The following CNTN5 variants were observed in gnomAD, a reference collection of about 807,000 sequenced individuals.
CNTN5 encodes the protein contactin-5.
CNTN5 carries 77 observed loss-of-function variants against 129.1 expected under a neutral mutation model. That is an observed-to-expected ratio of 0.60 (90% CI 0.50 to 0.72). The LOEUF (loss-of-function observed/expected upper bound fraction) is 0.72, where lower values mean the gene tolerates loss of function less well. CNTN5 is among the 30% of genes least tolerant of loss of function. The pLI, the probability that CNTN5 is intolerant of heterozygous loss-of-function variation, is 0.00. For missense variants in CNTN5, 1,478 were observed against 1,328.8 expected (o/e 1.11, Z -1.75); for synonymous variants, 509 against 465.6 (o/e 1.09, Z -1.20).
At chr11:99,638,047 A>C (rs1025632136) in intron 3 of CNTN5, among the ~76,000 whole-genome samples, 1 of 150,034 alleles carries the variant, frequency 6.7e-6, no homozygotes, top group Non-Finnish European at 1.5e-5. Flanking sequence ...ATTTGTTTTT[A>C]CACTGCTGAT....
intron 3 of CNTN5, among the ~76,000 whole-genome samples, chr11:99,755,543 ATTTT>A (rs539377852): frequency 3.3e-4 from 50 of 150,856 alleles, no homozygotes; most frequent in Non-Finnish European, 5.2e-4. Context: ...TTCTTTTGAG[ATTTT>A]TTTCTGTTTT....
At chr11:100,159,614 T>C (rs2138352335) in intron 13 of CNTN5, among the ~76,000 whole-genome samples, 1 of 152,066 alleles carries the variant, frequency 6.6e-6, no homozygotes, top group Non-Finnish European at 1.5e-5. Flanking sequence ...ATAGACATTA[T>C]AGAACAGTAG....
At position 99,681,737 on chromosome 11, in the gene CNTN5, ATAATT is replaced by A. The variant is rs1228805841; in HGVS notation, c.55+125473_55+125477del. ...GGTACACCTATAATTATGTTCATTT[ATAATT>A]TAATAAAGCTTTCTAGAAATGATCC... On this transcript the variant is annotated intron_variant, in intron 3 of 24. Coordinates refer to ENST00000524871, the MANE Select transcript of CNTN5 (RefSeq NM_014361.4). Among the ~76,000 whole-genome samples the A allele has an allele frequency of 2.0e-5, 3 of 152,078 alleles. No individual in the cohort carries two copies. The East Asian group carries it at 5.8e-4, about 29-fold the overall frequency.
chr11:99,648,428 G>C (rs912794770), intron 3 of CNTN5, among the ~76,000 whole-genome samples: 1 of 151,848 alleles, frequency 6.6e-6, no homozygotes, highest in African/African-American at 2.4e-5. Flanking sequence ...CAAATGCTGG[G>C]AAAGATGTGG....
chr11:99,104,062 T>G (rs1385131378), intron 1 of CNTN5, among the ~76,000 whole-genome samples: 1 of 152,192 alleles, frequency 6.6e-6, no homozygotes, highest in South Asian at 2.1e-4. Flanking sequence ...ATATGTAGTT[T>G]GATCAGTAAA....
intron 13 of CNTN5, among the ~76,000 whole-genome samples, chr11:100,184,423 C>T (rs1948232981): frequency 6.6e-6 from 1 of 152,092 alleles, no homozygotes. Flanking sequence ...AATGTCCACC[C>T]TGATATGATA....
At chr11:99,854,788 A>G (rs907373630) in intron 6 of CNTN5, among the ~76,000 whole-genome samples, 24 of 152,320 alleles carry the variant, frequency 1.6e-4, no homozygotes, top group East Asian at 3.9e-4. Context: ...GAGAGACTCA[A>G]TAAAACCATG....
At chr11:99,438,677 C>G (rs1465358619) in intron 2 of CNTN5, among the ~76,000 whole-genome samples, 1 of 151,996 alleles carries the variant, frequency 6.6e-6, no homozygotes, top group Non-Finnish European at 1.5e-5. Context: ...ATGTGTTTTC[C>G]TCCAAAGCTC....
chr11:99,938,881 A>C (rs1950373016), intron 7 of CNTN5, among the ~76,000 whole-genome samples: 1 of 152,118 alleles, frequency 6.6e-6, no homozygotes, highest in African/African-American at 2.4e-5. Flanking sequence ...AGGATTTGAA[A>C]AATTTTAAAC....
chr11:99,251,917 T>C (rs573303339), intron 1 of CNTN5, among the ~76,000 whole-genome samples: 4 of 152,144 alleles, frequency 2.6e-5, no homozygotes, highest in Admixed American at 2.6e-4. Context: ...TATGGAATTA[T>C]TTTAGAAAAG....
At chr11:100,159,939 T>A (rs547509312) in intron 13 of CNTN5, among the ~76,000 whole-genome samples, 3 of 151,850 alleles carry the variant, frequency 2.0e-5, no homozygotes, top group African/African-American at 7.3e-5. Context: ...TTTCTTTTCA[T>A]ATATATACTT....
chr11:99,954,426 T>C (rs1857939920), intron 7 of CNTN5, among the ~76,000 whole-genome samples: 1 of 152,214 alleles, frequency 6.6e-6, no homozygotes, highest in South Asian at 2.1e-4. Context: ...CTGAAATGAA[T>C]GCTACTACTA....
intron 1 of CNTN5, among the ~76,000 whole-genome samples, chr11:99,113,805 C>T (rs920163370): frequency 2.6e-5 from 4 of 152,014 alleles, no homozygotes; most frequent in East Asian, 1.9e-4. Flanking sequence ...AAGAAAAAAC[C>T]CTTAAAATAA....
chr11:99,881,750 C>G (rs1468531467), intron 6 of CNTN5, among the ~76,000 whole-genome samples: 2 of 152,152 alleles, frequency 1.3e-5, no homozygotes, highest in Non-Finnish European at 2.9e-5. Context: ...GCTGGGTTTT[C>G]GGTCATTACT....
chr11:99,543,922 AAAAC>A (rs199545309), intron 2 of CNTN5, among the ~76,000 whole-genome samples: 5,069 of 35,840 alleles, frequency 0.14, 488 homozygotes, highest in African/African-American at 0.41. Flanking sequence ...CTGTCTCAAA[AAAAC>A]AAAAAAAAAA....
intron 3 of CNTN5, among the ~76,000 whole-genome samples, chr11:99,811,035 AACAG>A (rs1457614586): frequency 6.6e-6 from 1 of 152,128 alleles, no homozygotes. Context: ...CAAGAGCCTA[AACAG>A]ACATTTAAAA....
chr11:99,616,303 G>C (rs1270841671), intron 3 of CNTN5, among the ~76,000 whole-genome samples: 1 of 152,044 alleles, frequency 6.6e-6, no homozygotes, highest in Admixed American at 6.6e-5. Context: ...AATAGTCTAA[G>C]CTCTAAAGTC....
intron 2 of CNTN5, among the ~76,000 whole-genome samples, chr11:99,480,957 G>A (rs1286511435): frequency 3.3e-5 from 5 of 152,204 alleles, no homozygotes; most frequent in African/African-American, 9.6e-5. Context: ...AGATAACCAC[G>A]AAATTCACTT....
intron 8 of CNTN5, among the ~76,000 whole-genome samples, chr11:99,972,348 C>T (rs1951287164): frequency 6.6e-6 from 1 of 151,974 alleles, no homozygotes; most frequent in Admixed American, 6.6e-5. Flanking sequence ...CTGGGGCAGT[C>T]CTAGAAAGCA....
Sources: gnomAD v4.1 joint callset for allele counts (sites outside exome capture counted in the v4.1 genomes callset) on GRCh38, gnomAD v4.1.1 for gene constraint, MANE v1.5 for transcripts, NCBI Gene and HGNC (gene_info 2026-07-23, HGNC 2026-07-21) for gene names.